Variants in ZBED6 observed in about 807,000 individuals in gnomAD.
The protein encoded by ZBED6 is zinc finger BED-type containing 6, also known as zinc finger BED domain-containing protein 6.
ZBED6 carries 40 observed loss-of-function variants against 58.4 expected under a neutral mutation model. The observed-to-expected ratio is 0.68, with a 90% CI of 0.53 to 0.89. ZBED6 has a LOEUF of 0.89. Ranked by LOEUF, ZBED6 falls within the 40% of genes least tolerant of loss-of-function variation. ZBED6 has a pLI of 0.00. For missense variants in ZBED6, 1,057 were observed against 1,003.9 expected (o/e 1.05, Z -0.71); for synonymous variants, 439 against 350.6 (o/e 1.25, Z -2.82).
chr1:203,851,783 T>A (rs1689337527), intron 16 of ZBED6, among the ~76,000 whole-genome samples: 1 of 151,294 alleles, frequency 6.6e-6, no homozygotes. Context: ...GACAACATAG[T>A]GAGGTCTTGT....
At chr1:203,828,235 A>G (rs1365831684) in intron 3 of ZBED6, 64 bp from the exon 4 acceptor site, 11 of 1,595,796 alleles carry the variant, frequency 6.9e-6, no homozygotes, top group Non-Finnish European at 9.4e-6. Flanking sequence ...CTAGAAAACA[A>G]ACTGCCACAT....
intron 3 of ZBED6, among the ~76,000 whole-genome samples, chr1:203,826,932 T>C (rs1163368968): frequency 1.4e-4 from 22 of 152,136 alleles, no homozygotes; most frequent in Admixed American, 1.4e-3. Context: ...AATAGAGTAT[T>C]AGCAGTAATC....
At chr1:203,849,718 G>T (rs750163562) in exon 14 of ZBED6, 1 of 1,613,782 alleles carries the variant, frequency 6.2e-7, no homozygotes, top group African/African-American at 1.3e-5. Flanking sequence ...CAGGCTTCAG[G>T]TGAGACCACA....
At position 203,807,703 on chromosome 1, in the gene ZBED6, CT is replaced by C. The variant is rs1157462484; in HGVS notation, c.*2554+4691del. ...ACCATGCCCAGCTAAATTTTTTTTT[CT>C]TTTGGGAGAGAGACATGGTCTCACT... On this transcript the variant is annotated intron_variant, in intron 1 of 16. Transcript: ENST00000550078. Among the ~76,000 whole-genome samples the C allele has an allele frequency of 5.3e-5, 8 of 151,398 alleles. 1 individual carries two copies.
chr1:203,815,439 G>A (rs113403740), intron 1 of ZBED6, among the ~76,000 whole-genome samples: 3 of 142,468 alleles, frequency 2.1e-5, no homozygotes, highest in African/African-American at 7.9e-5. Flanking sequence ...GGCTGGTCTC[G>A]AACTCCTGGA....
intron 3 of ZBED6, among the ~76,000 whole-genome samples, chr1:203,819,566 C>CTTTTTTTTTT (rs1677763711): frequency 1.1e-5 from 1 of 91,990 alleles, no homozygotes; most frequent in African/African-American, 4.4e-5. Context: ...CAGAGTTTTG[C>CTTTTTTTTTT]TCTTGTTGCC....
intron 3 of ZBED6, among the ~76,000 whole-genome samples, chr1:203,824,097 G>A (rs572473544): frequency 6.6e-6 from 1 of 152,042 alleles, no homozygotes; most frequent in South Asian, 2.1e-4. Context: ...GTGAAACCCC[G>A]TCTCTACTCA....
chr1:203,831,844 A>G (rs1682490527), intron 8 of ZBED6, 73 bp downstream of exon 8: 1 of 1,223,818 alleles, frequency 8.2e-7, no homozygotes, highest in South Asian at 1.4e-5. Flanking sequence ...ATCCTTGGGT[A>G]TCTTTTACCT....
chr1:203,826,240 T>A (rs1291746311), intron 3 of ZBED6, among the ~76,000 whole-genome samples: 1 of 152,176 alleles, frequency 6.6e-6, no homozygotes. Context: ...CTTTTATTTT[T>A]ACTTTATTTT....
At chr1:203,816,958 G>A (rs1676586253) in exon 2 of ZBED6, 1 of 612,018 alleles carries the variant, frequency 1.6e-6, no homozygotes, top group African/African-American at 1.9e-5. Context: ...CTGTGATCAA[G>A]TTGTCATTTG....
chr1:203,821,977 T>G (rs1231896337), intron 3 of ZBED6, among the ~76,000 whole-genome samples: 1 of 152,138 alleles, frequency 6.6e-6, no homozygotes, highest in Non-Finnish European at 1.5e-5. Flanking sequence ...CAGGATGGTC[T>G]CGATCTGCTG....
chr1:203,802,714 C>CTTTTTTTTTTTTTTTTTTTTTTTTTTTT (rs150416242), exon 1 of ZBED6: 1 of 131,660 alleles, frequency 7.6e-6, no homozygotes. Flanking sequence ...TAAATGAACT[C>CTTTTTTTTTTTTTTTTTTTTTTTTTTTT]TTTTTTTTTG....
At chr1:203,830,509 G>T (rs1456477858) in intron 7 of ZBED6, among the ~76,000 whole-genome samples, 2 of 152,130 alleles carry the variant, frequency 1.3e-5, no homozygotes, top group African/African-American at 4.8e-5. Context: ...TGGTTAAAAA[G>T]AAATTATATT....
chr1:203,853,277 C>T (rs912093960), exon 17 of ZBED6: 14 of 152,590 alleles, frequency 9.2e-5, no homozygotes, highest in Admixed American at 9.2e-4. Flanking sequence ...ACCCCTGTTG[C>T]CCAGTATTTG....
chr1:203,850,755 C>T, intron 15 of ZBED6, 74 bp downstream of exon 15: 1 of 1,543,466 alleles, frequency 6.5e-7, no homozygotes, highest in Non-Finnish European at 8.8e-7. Flanking sequence ...TCTCCACTAG[C>T]ATTCTATCTT....
At chr1:203,842,843 T>C (rs1271071482) in intron 11 of ZBED6, among the ~76,000 whole-genome samples, 1 of 151,600 alleles carries the variant, frequency 6.6e-6, no homozygotes, top group African/African-American at 2.4e-5. Flanking sequence ...ATTTTTTAAA[T>C]TATGAAATAT....
chr1:203,850,356 G>C, intron 14 of ZBED6, 159 bp from the exon 15 acceptor site: 1 of 1,079,640 alleles, frequency 9.3e-7, no homozygotes, highest in South Asian at 1.3e-5. Flanking sequence ...TGACCACCAT[G>C]TGACCACAAA....
chr1:203,840,795 T>C (rs1001888704), intron 11 of ZBED6, among the ~76,000 whole-genome samples: 2 of 151,642 alleles, frequency 1.3e-5, no homozygotes, highest in African/African-American at 4.8e-5. Context: ...CACCATGCCT[T>C]GCTAATATTT....
intron 10 of ZBED6, among the ~76,000 whole-genome samples, chr1:203,838,576 T>G (rs1366565391): frequency 2.0e-5 from 3 of 151,890 alleles, no homozygotes; most frequent in East Asian, 1.9e-4. Context: ...GGCTGAAGAG[T>G]GTGGTGACTA....
Sources: allele counts gnomAD v4.1 joint callset (sites outside exome capture counted in the v4.1 genomes callset), GRCh38; gene constraint gnomAD v4.1.1; transcripts MANE v1.5; gene names NCBI Gene and HGNC (gene_info 2026-07-23, HGNC 2026-07-21).